CCSER1: variants seen among roughly 807,000 people sequenced by gnomAD.
CCSER1 encodes serine-rich coiled-coil domain-containing protein 1.
Under a neutral mutation model 82.0 loss-of-function variants are expected in CCSER1, and 41 were observed. The observed-to-expected ratio is 0.50, with a 90% CI of 0.39 to 0.65. The LOEUF is 0.65. Among genes scored for constraint, CCSER1 ranks in the 30% least tolerant of loss-of-function variants. CCSER1 has a pLI of 0.00. For synonymous variants in CCSER1, 414 were observed against 383.9 expected (o/e 1.08, Z -0.92); for missense variants, 1,119 against 1,064.2 (o/e 1.05, Z -0.72).
intron 5 of CCSER1, among the ~76,000 whole-genome samples, chr4:90,553,083 A>G (rs1042552114): frequency 6.6e-6 from 1 of 151,246 alleles, no homozygotes; most frequent in Non-Finnish European, 1.5e-5. Context: ...AGATTATCCT[A>G]CCTCAGGCTG....
chr4:90,692,717 G>T (rs946889186), intron 6 of CCSER1, among the ~76,000 whole-genome samples: 2 of 150,820 alleles, frequency 1.3e-5, no homozygotes, highest in Admixed American at 1.3e-4. Context: ...ATCAAAATAG[G>T]TTCTTCAATA....
chr4:90,723,918 C>A lies in CCSER1; in HGVS notation c.1937C>A (p.Ala646Glu). ...LKMKRVLQES[A>E]DMSPASSTTS... ...TCAATTTCACTGTCCTTGCAGAGTG[C>A]AGACATGAGTCCAGCAAGCAGTACC... Residue 646 changes from alanine to glutamate, a missense_variant, in exon 7 of 11, where the codon GCA (alanine) becomes GAA (glutamate). Transcript: ENST00000509176. The A allele has an allele frequency of 6.4e-7, 1 of 1,562,318 alleles. No individual in the cohort carries two copies. The highest frequency in any genetic ancestry group is 8.7e-7 in the Non-Finnish European group (1 of 1,149,160).
At chr4:91,135,543 T>C (rs1001424630) in intron 10 of CCSER1, among the ~76,000 whole-genome samples, 2 of 152,182 alleles carry the variant, frequency 1.3e-5, no homozygotes, top group African/African-American at 2.4e-5. Flanking sequence ...TATGGCAGAG[T>C]ATCCTTTTAA....
chr4:90,309,750 G>A lies in CCSER1; in HGVS notation c.1324+142G>A. On this transcript the variant is annotated intron_variant, in intron 2 of 10. Transcript: ENST00000509176. ...AAATGGTTTCCTATTCATAATTTGT[G>A]TTAAATGTTTCCCCTGCTTGATTTT... 4.7e-6 allele frequency: 3 copies of A among 643,694 alleles called. No homozygotes were observed. In the South Asian group the frequency reaches 6.7e-5, roughly 14 times the overall value. The allele number at this position is 643,694 out of a possible 1,614,324, so 39.9% of individuals were successfully genotyped here.
At chr4:90,464,216 T>C (rs1763326233) in intron 4 of CCSER1, among the ~76,000 whole-genome samples, 1 of 152,244 alleles carries the variant, frequency 6.6e-6, no homozygotes, top group South Asian at 2.1e-4. Context: ...GATTTCTGAC[T>C]GAGTGGTCCC....
chr4:91,213,107 A>G (rs1278662976), intron 10 of CCSER1, among the ~76,000 whole-genome samples: 2 of 148,812 alleles, frequency 1.3e-5, no homozygotes, highest in African/African-American at 4.9e-5. Context: ...TACATGGCAT[A>G]TACGCACCAC....
chr4:90,310,796 C>T (rs952751052), intron 2 of CCSER1, among the ~76,000 whole-genome samples: 5 of 152,014 alleles, frequency 3.3e-5, no homozygotes, highest in Admixed American at 6.6e-5. Context: ...GACATAATGT[C>T]ACGAGTAATA....
intron 10 of CCSER1, among the ~76,000 whole-genome samples, chr4:91,476,710 A>G (rs1578563156): frequency 1.3e-5 from 2 of 151,550 alleles, no homozygotes; most frequent in Non-Finnish European, 1.5e-5. Flanking sequence ...AAAAAACCCC[A>G]TAGACAAATA....
chr4:90,658,095 C>T (rs571964041), intron 6 of CCSER1, among the ~76,000 whole-genome samples: 5 of 152,262 alleles, frequency 3.3e-5, no homozygotes, highest in African/African-American at 1.2e-4. Flanking sequence ...CAGAGTGAGA[C>T]TCTGTCTCGA....
chr4:90,517,593 G>C (rs868517163), intron 5 of CCSER1, among the ~76,000 whole-genome samples: 4 of 152,208 alleles, frequency 2.6e-5, no homozygotes, highest in African/African-American at 4.8e-5. Flanking sequence ...ATTTAAACTG[G>C]TGTGATCCAG....
At chr4:90,934,564 A>G (rs1730682742) in intron 9 of CCSER1, among the ~76,000 whole-genome samples, 1 of 152,212 alleles carries the variant, frequency 6.6e-6, no homozygotes. Flanking sequence ...ATCAAAAATC[A>G]GACAAAATCC....
At chr4:91,251,851 C>T (rs916623210) in intron 10 of CCSER1, among the ~76,000 whole-genome samples, 2 of 152,036 alleles carry the variant, frequency 1.3e-5, no homozygotes, top group Non-Finnish European at 2.9e-5. Flanking sequence ...ATATAGTTGG[C>T]GTTGTCACTC....
intron 3 of CCSER1, among the ~76,000 whole-genome samples, chr4:90,336,433 A>G (rs904524840): frequency 2.6e-5 from 4 of 152,202 alleles, no homozygotes; most frequent in Admixed American, 1.3e-4. Context: ...TGAACTGACA[A>G]TTCTGTGCTT....
intron 1 of CCSER1, among the ~76,000 whole-genome samples, chr4:90,249,189 C>A (rs971261289): frequency 1.3e-5 from 2 of 152,076 alleles, no homozygotes; most frequent in Non-Finnish European, 2.9e-5. Context: ...ATCTGTGTAA[C>A]AACTTGAACT....
chr4:90,326,218 C>T (rs1738169818), intron 3 of CCSER1, among the ~76,000 whole-genome samples: 1 of 151,922 alleles, frequency 6.6e-6, no homozygotes, highest in South Asian at 2.1e-4. Flanking sequence ...GCCACCACGC[C>T]CGGCTAATTT....
intron 1 of CCSER1, among the ~76,000 whole-genome samples, chr4:90,152,868 GTT>G (rs1269453879): frequency 2.8e-5 from 4 of 143,808 alleles, no homozygotes; most frequent in African/African-American, 7.6e-5. Flanking sequence ...TCAGTGCTAG[GTT>G]TTTTTTTTTT....
chr4:90,906,875 C>T (rs1581022812), intron 8 of CCSER1, among the ~76,000 whole-genome samples: 2 of 151,988 alleles, frequency 1.3e-5, no homozygotes, highest in African/African-American at 2.4e-5. Context: ...CCTAAATCTT[C>T]GCAATGCCTA....
At chr4:90,164,559 C>A (rs1017014966) in intron 1 of CCSER1, among the ~76,000 whole-genome samples, 5 of 151,818 alleles carry the variant, frequency 3.3e-5, no homozygotes, top group African/African-American at 1.2e-4. Flanking sequence ...GGACACACAG[C>A]TAACTGAATA....
chr4:91,144,253 A>G (rs1341057047), intron 10 of CCSER1, among the ~76,000 whole-genome samples: 1 of 151,852 alleles, frequency 6.6e-6, no homozygotes, highest in Non-Finnish European at 1.5e-5. Context: ...ATGTGCATAT[A>G]GGTGTTCATA....
Sources: allele counts gnomAD v4.1 joint callset (sites outside exome capture counted in the v4.1 genomes callset), GRCh38; gene constraint gnomAD v4.1.1; transcripts MANE v1.5; gene names NCBI Gene and HGNC (gene_info 2026-07-23, HGNC 2026-07-21).